The following CHLSN variants were observed in gnomAD, a reference collection of about 807,000 sequenced individuals.
The protein encoded by CHLSN is protein cholesin.
the CHLSN span, among the ~76,000 whole-genome samples, chr7:1,001,757 G>T: frequency 8.7e-6 from 1 of 115,184 alleles, no homozygotes; most frequent in Non-Finnish European, 1.8e-5. Flanking sequence ...GTGGGTGAGT[G>T]GAGTCCTGCG....
the CHLSN span, among the ~76,000 whole-genome samples, chr7:1,016,045 G>A: frequency 2.0e-4 from 27 of 134,664 alleles, no homozygotes; most frequent in East Asian, 5.2e-3. Context: ...CCGGTGTCAC[G>A]CCAGCACACA....
At chr7:1,073,285 C>T in the CHLSN span, among the ~76,000 whole-genome samples, 2 of 152,144 alleles carry the variant, frequency 1.3e-5, no homozygotes, top group African/African-American at 4.8e-5. Flanking sequence ...AAGGGAAGGG[C>T]AGAGAGCTTT....
At chr7:1,078,021 T>C in the CHLSN span, 2 of 152,216 alleles carry the variant, frequency 1.3e-5, no homozygotes, top group Non-Finnish European at 2.9e-5. Flanking sequence ...AGCTTCTCTA[T>C]ACTACAGATT....
chr7:1,093,602 T>A, the CHLSN span: 1 of 471,246 alleles, frequency 2.1e-6, no homozygotes, highest in Non-Finnish European at 4.4e-6. Context: ...TGCACTCATG[T>A]GGACTGGGAC....
the CHLSN span, among the ~76,000 whole-genome samples, chr7:1,040,428 A>G: frequency 6.6e-6 from 1 of 152,128 alleles, no homozygotes; most frequent in Non-Finnish European, 1.5e-5. Flanking sequence ...CTGGGAGTTC[A>G]AGGCTACAGT....
the CHLSN span, among the ~76,000 whole-genome samples, chr7:1,016,080 CACACAGCA>C: frequency 7.5e-6 from 1 of 133,464 alleles, no homozygotes; most frequent in Non-Finnish European, 1.6e-5. Flanking sequence ...CGCACAGCAG[CACACAGCA>C]GCGCACAGCA....
chr7:1,006,621 AGC>A, the CHLSN span, among the ~76,000 whole-genome samples: 2 of 147,718 alleles, frequency 1.4e-5, no homozygotes, highest in East Asian at 2.0e-4. Context: ...GCGGGGAAAG[AGC>A]GCACGACGGC....
At chr7:1,055,069 C>T in the CHLSN span, among the ~76,000 whole-genome samples, 1 of 148,982 alleles carries the variant, frequency 6.7e-6, no homozygotes, top group Non-Finnish European at 1.5e-5. Flanking sequence ...TGCCCCGCAG[C>T]GATGCAGACA....
the CHLSN span, among the ~76,000 whole-genome samples, chr7:1,032,992 C>G: frequency 6.6e-6 from 1 of 152,306 alleles, no homozygotes; most frequent in South Asian, 2.1e-4. Flanking sequence ...TCTGTGCACT[C>G]GCGGTGCGGA....
the CHLSN span, chr7:985,232 GC>G: frequency 6.4e-7 from 1 of 1,553,156 alleles, no homozygotes; most frequent in Non-Finnish European, 8.7e-7. Flanking sequence ...CTCCTCTTCG[GC>G]CGCCGATTTG....
At chr7:1,067,006 G>A in the CHLSN span, among the ~76,000 whole-genome samples, 1 of 146,682 alleles carries the variant, frequency 6.8e-6, no homozygotes, top group East Asian at 2.1e-4. Flanking sequence ...GTCTGTTGGC[G>A]GAGGCTGGAG....
At chr7:1,130,000 C>A in the CHLSN span, among the ~76,000 whole-genome samples, 80 of 152,254 alleles carry the variant, frequency 5.3e-4, 1 homozygote, top group African/African-American at 1.6e-3. Context: ...TGGCACCACA[C>A]GGGCTGCGGG....
chr7:1,133,383 G>A, the CHLSN span, among the ~76,000 whole-genome samples: 9 of 107,248 alleles, frequency 8.4e-5, no homozygotes, highest in Non-Finnish European at 1.2e-4. Flanking sequence ...ACAATCCCTC[G>A]ATATACTGCA....
the CHLSN span, chr7:1,028,232 T>C: frequency 9.2e-7 from 1 of 1,084,070 alleles, no homozygotes; most frequent in Non-Finnish European, 1.1e-6. Context: ...GCAGCCCGAA[T>C]GCGGGCCCTG....
the CHLSN span, among the ~76,000 whole-genome samples, chr7:1,130,258 G>A: frequency 6.6e-6 from 1 of 152,248 alleles, no homozygotes; most frequent in African/African-American, 2.4e-5. Flanking sequence ...TGTGTGATGA[G>A]GGAGCCGAAA....
the CHLSN span, chr7:1,057,865 T>C: frequency 3.9e-6 from 3 of 777,554 alleles, no homozygotes; most frequent in South Asian, 4.0e-5. Context: ...CTGGTGGCCA[T>C]GTACTCCACC....
the CHLSN span, chr7:1,092,050 C>T: frequency 6.2e-7 from 1 of 1,614,038 alleles, no homozygotes; most frequent in Non-Finnish European, 8.5e-7. Context: ...GGACCTCATC[C>T]TGGTGGCCGA....
chr7:979,612 C>T, the CHLSN span, among the ~76,000 whole-genome samples: 3 of 151,666 alleles, frequency 2.0e-5, no homozygotes, highest in Non-Finnish European at 4.4e-5. Context: ...ATTAGCCGGG[C>T]GTGGTGGTGA....
At chr7:1,133,243 T>A in the CHLSN span, among the ~76,000 whole-genome samples, 1 of 151,982 alleles carries the variant, frequency 6.6e-6, no homozygotes, top group Non-Finnish European at 1.5e-5. Context: ...CAAATTATAC[T>A]GACAGAAAGG....
Sources: allele counts gnomAD v4.1 joint callset (sites outside exome capture counted in the v4.1 genomes callset), GRCh38; gene constraint gnomAD v4.1.1; transcripts MANE v1.5; gene names NCBI Gene and HGNC (gene_info 2026-07-23, HGNC 2026-07-21).